The following FAM107B variants were observed in gnomAD, a reference collection of about 807,000 sequenced individuals.
FAM107B encodes protein FAM107B.
FAM107B carries 21 observed loss-of-function variants against 31.5 expected under a neutral mutation model. The observed-to-expected ratio is 0.67, with a 90% confidence interval of 0.47 to 0.96. The LOEUF (loss-of-function observed/expected upper bound fraction) is 0.96. Among genes scored for constraint, FAM107B ranks in the 40% least tolerant of loss-of-function variants. The pLI is 0.00. For synonymous variants in FAM107B, 157 were observed against 141.5 expected, an observed-to-expected ratio of 1.11 and a Z score of -0.78; for missense variants, 452 against 377.1, an observed-to-expected ratio of 1.20 and a Z score of -1.64.
intron 1 of FAM107B, among the ~76,000 whole-genome samples, chr10:14,773,989 C>T (rs371325985): frequency 1.8e-4 from 27 of 152,148 alleles, no homozygotes; most frequent in Non-Finnish European, 1.5e-5. Flanking sequence ...ATTTTTGGCT[C>T]TAAGGCACCC....
chr10:14,740,126 C>T (rs1856401994), intron 1 of FAM107B, among the ~76,000 whole-genome samples: 1 of 152,170 alleles, frequency 6.6e-6, no homozygotes, highest in Admixed American at 6.5e-5. Flanking sequence ...GACATTTACC[C>T]AAATGAATTC....
intron 2 of FAM107B, among the ~76,000 whole-genome samples, chr10:14,534,034 G>A (rs1026416978): frequency 2.0e-5 from 3 of 152,138 alleles, no homozygotes; most frequent in Admixed American, 2.0e-4. Flanking sequence ...GGGACAGTGT[G>A]GTGAAGTATA....
chr10:14,547,979 TAA>T (rs959465289), intron 2 of FAM107B, among the ~76,000 whole-genome samples: 4 of 152,198 alleles, frequency 2.6e-5, no homozygotes, highest in Admixed American at 6.5e-5. Flanking sequence ...CCCTTTTAAT[TAA>T]AGTCTGTTTT....
intron 2 of FAM107B, chr10:14,553,269 G>T (rs2131090409): frequency 1.9e-6 from 2 of 1,046,582 alleles, no homozygotes; most frequent in South Asian, 1.6e-5. Context: ...CCTACATCAT[G>T]ATGAAAGCTG....
chr10:14,626,607 C>G (rs1853171918), intron 2 of FAM107B, among the ~76,000 whole-genome samples: 1 of 151,444 alleles, frequency 6.6e-6, no homozygotes, highest in Admixed American at 6.6e-5. Flanking sequence ...GGGTTCACGC[C>G]ATTCTCCTGC....
chr10:14,582,375 CTTTTTTTT>C (rs71388188), intron 2 of FAM107B, among the ~76,000 whole-genome samples: 2 of 112,086 alleles, frequency 1.8e-5, no homozygotes, highest in South Asian at 2.8e-4. Flanking sequence ...TTTTTCTTTT[CTTTTTTTT>C]TTTTTTTTTT....
At chr10:14,641,383 T>C (rs1203337881) in intron 2 of FAM107B, among the ~76,000 whole-genome samples, 4 of 152,230 alleles carry the variant, frequency 2.6e-5, no homozygotes, top group African/African-American at 7.2e-5. Flanking sequence ...TTAGAATAGA[T>C]GCAAAACCAA....
chr10:14,700,415 T>C (rs982766649), intron 1 of FAM107B, among the ~76,000 whole-genome samples: 3 of 152,132 alleles, frequency 2.0e-5, no homozygotes, highest in African/African-American at 7.2e-5. Flanking sequence ...CAGGAAATCG[T>C]TGTCACCATG....
At chr10:14,529,485 C>A (rs1441109197) in intron 3 of FAM107B, 2 of 152,060 alleles carry the variant, frequency 1.3e-5, no homozygotes, top group Non-Finnish European at 2.9e-5. Flanking sequence ...TTTAACTAGG[C>A]CTCCCTGCAA....
chr10:14,650,626 C>T (rs553993561), intron 2 of FAM107B, among the ~76,000 whole-genome samples: 8 of 152,290 alleles, frequency 5.3e-5, no homozygotes, highest in African/African-American at 1.9e-4. Context: ...TTATTGCTTA[C>T]GTATTGTGCT....
intron 2 of FAM107B, among the ~76,000 whole-genome samples, chr10:14,609,988 C>A (rs572415486): frequency 2.5e-4 from 38 of 152,288 alleles, no homozygotes; most frequent in African/African-American, 8.9e-4. Context: ...GTTACCAAGT[C>A]TTCATTGACC....
chr10:14,627,585 A>G (rs7923375), intron 2 of FAM107B, among the ~76,000 whole-genome samples: 7,540 of 152,232 alleles, frequency 0.05, 327 homozygotes, highest in African/African-American at 0.12. Context: ...ACCAGCCTGG[A>G]CAACATTAAC....
intron 1 of FAM107B, among the ~76,000 whole-genome samples, chr10:14,704,018 G>T (rs1297942222): frequency 6.6e-6 from 1 of 152,156 alleles, no homozygotes; most frequent in Non-Finnish European, 1.5e-5. Context: ...CCTCCCAGTG[G>T]GTATTAAGTG....
At chr10:14,609,294 A>C (rs1451383511) in intron 2 of FAM107B, among the ~76,000 whole-genome samples, 1 of 152,316 alleles carries the variant, frequency 6.6e-6, no homozygotes, top group African/African-American at 2.4e-5. Context: ...ACTGGGGTCT[A>C]TGCTGAAGGC....
chr10:14,734,447 A>G (rs898344491), intron 1 of FAM107B, among the ~76,000 whole-genome samples: 38 of 151,546 alleles, frequency 2.5e-4, no homozygotes, highest in African/African-American at 8.0e-4. Flanking sequence ...CACAACACAA[A>G]TTCATAAACT....
intron 1 of FAM107B, among the ~76,000 whole-genome samples, chr10:14,741,936 G>C (rs1045146273): frequency 6.6e-6 from 1 of 151,824 alleles, no homozygotes; most frequent in South Asian, 2.1e-4. Context: ...GGATGGTCTC[G>C]ATCTCCTGAC....
intron 1 of FAM107B, among the ~76,000 whole-genome samples, chr10:14,711,336 C>T (rs1855641792): frequency 6.6e-6 from 1 of 152,246 alleles, no homozygotes; most frequent in South Asian, 2.1e-4. Flanking sequence ...CCCAGGGCAA[C>T]TTCCAGTCCT....
intron 1 of FAM107B, among the ~76,000 whole-genome samples, chr10:14,692,065 T>C (rs973097389): frequency 2.0e-5 from 3 of 152,108 alleles, no homozygotes; most frequent in Non-Finnish European, 4.4e-5. Context: ...GTTACAGGTT[T>C]GGAGGCAAGT....
chr10:14,537,002 G>A (rs1342225925), intron 2 of FAM107B, among the ~76,000 whole-genome samples: 2 of 152,178 alleles, frequency 1.3e-5, no homozygotes, highest in Non-Finnish European at 2.9e-5. Context: ...GGCAGAGGAG[G>A]AGGGAGTGAC....
Sources: allele counts gnomAD v4.1 joint callset (sites outside exome capture counted in the v4.1 genomes callset), GRCh38; gene constraint gnomAD v4.1.1; transcripts MANE v1.5; gene names NCBI Gene and HGNC (gene_info 2026-07-23, HGNC 2026-07-21).